Variants in ZNF410 observed in about 807,000 individuals in gnomAD.
ZNF410 encodes zinc finger protein 410, also known as another partner for ARF 1.
Under a neutral mutation model 54.8 loss-of-function variants are expected in ZNF410, and 18 were observed. That is an observed-to-expected ratio of 0.33 (90% CI 0.23 to 0.49). ZNF410 has a LOEUF of 0.49. ZNF410 is among the 20% of genes least tolerant of loss of function. The pLI, the probability that ZNF410 is intolerant of heterozygous loss-of-function variation, is 0.99. For synonymous variants in ZNF410, 191 were observed against 207.3 expected (o/e 0.92, Z 0.68); for missense variants, 405 against 569.6 (o/e 0.71, Z 2.94).
chr14:73,896,457 C>G lies in ZNF410; in HGVS notation c.311C>G (p.Ser104Ter). 6.2e-7 allele frequency: 1 copy of G among 1,614,186 alleles called. No individual in the cohort carries two copies. Among genetic ancestry groups the G allele is most frequent in the Non-Finnish European group, 8.5e-7 (1 of 1,180,028 alleles). The change falls in exon 4 of 12, where the codon TCA (serine) becomes TGA (stop). Residue 104 changes from serine to a stop codon, truncating the protein, a stop_gained. Transcript: ENST00000555044. LOFTEE classifies it high-confidence loss of function. ...VQKSPEFLST[S>*]ESSSLLQDLQ... ...AAATCCCCGGAGTTTTTGTCCACTT[C>G]AGAGTCTTCTAGCTTGTTGCAAGAT...
At chr14:73,891,199 C>T (rs771794336) in intron 1 of ZNF410, among the ~76,000 whole-genome samples, 3 of 151,948 alleles carry the variant, frequency 2.0e-5, no homozygotes, top group Non-Finnish European at 2.9e-5. Context: ...GCCTACCACA[C>T]GGTATAGCTA....
chr14:73,917,429 A>G (rs191943878), intron 8 of ZNF410, among the ~76,000 whole-genome samples: 66 of 151,960 alleles, frequency 4.3e-4, no homozygotes, highest in Middle Eastern at 3.4e-3. Flanking sequence ...TTTATTTCCT[A>G]TTTGGTTTAC....
At chr14:73,904,836 C>T (rs1227251984) in intron 6 of ZNF410, 66 bp from the exon 7 acceptor site, 3 of 1,534,544 alleles carry the variant, frequency 2.0e-6, no homozygotes, top group Non-Finnish European at 2.6e-6. Flanking sequence ...TCAATAGGGG[C>T]TTTGACTTGT....
intron 3 of ZNF410, 55 bp from the exon 4 acceptor site, chr14:73,896,261 G>A (rs2055315556): frequency 7.4e-7 from 1 of 1,345,582 alleles, no homozygotes; most frequent in Non-Finnish European, 1.1e-6. Flanking sequence ...GTATCAAAAT[G>A]GTGGGCTCCT....
At chr14:73,895,044 C>G (rs2055293562) in intron 3 of ZNF410, among the ~76,000 whole-genome samples, 1 of 152,064 alleles carries the variant, frequency 6.6e-6, no homozygotes, top group South Asian at 2.1e-4. Context: ...CAGCTGTAGT[C>G]CCAGCTGAGG....
chr14:73,899,499 A>C (rs1320387764), intron 5 of ZNF410, among the ~76,000 whole-genome samples: 2 of 152,130 alleles, frequency 1.3e-5, no homozygotes, highest in African/African-American at 2.4e-5. Context: ...TTTTGGTGGG[A>C]CCCTTAAAGT....
At chr14:73,897,970 TCAA>T in intron 4 of ZNF410, 98 bp from the exon 5 acceptor site, 1 of 643,356 alleles carries the variant, frequency 1.6e-6, no homozygotes, top group Non-Finnish European at 2.2e-6. Flanking sequence ...AGACGCCGTC[TCAA>T]AAAAAAAAAA....
chr14:73,927,726 A>G (rs2055853755), intron 11 of ZNF410: 1 of 152,184 alleles, frequency 6.6e-6, no homozygotes. Context: ...TCTGCCTCAA[A>G]TAGCTTATAG....
At chr14:73,909,610 G>GT (rs1045272273) in intron 8 of ZNF410, 180 bp downstream of exon 8, 4 of 503,806 alleles carry the variant, frequency 7.9e-6, no homozygotes, top group Admixed American at 3.7e-5. Context: ...TCAAGGTTGG[G>GT]GGGGGGACAT....
intron 8 of ZNF410, among the ~76,000 whole-genome samples, chr14:73,917,545 G>A (rs555533869): frequency 4.6e-5 from 7 of 152,070 alleles, no homozygotes; most frequent in Admixed American, 6.6e-5. Context: ...CAGTCCGGCC[G>A]GGCATGGTGA....
chr14:73,907,367 G>T (rs2140308822), intron 7 of ZNF410, among the ~76,000 whole-genome samples: 1 of 152,288 alleles, frequency 6.6e-6, no homozygotes, highest in African/African-American at 2.4e-5. Flanking sequence ...GGAGGCTGAG[G>T]TGAGCACATC....
intron 9 of ZNF410, 84 bp downstream of exon 9, chr14:73,921,189 A>G (rs1030234244): frequency 2.6e-6 from 4 of 1,561,658 alleles, no homozygotes; most frequent in Non-Finnish European, 2.6e-6. Flanking sequence ...TTATCTGGAA[A>G]TTTTCTGATT....
At chr14:73,895,502 T>C (rs2055303178) in intron 3 of ZNF410, 1 of 152,132 alleles carries the variant, frequency 6.6e-6, no homozygotes, top group Non-Finnish European at 1.5e-5. Flanking sequence ...AACCAAGATA[T>C]GGAATCAGCT....
At chr14:73,919,293 G>A (rs1021899573) in intron 8 of ZNF410, among the ~76,000 whole-genome samples, 2 of 151,974 alleles carry the variant, frequency 1.3e-5, no homozygotes, top group African/African-American at 4.8e-5. Flanking sequence ...CACTGCACCT[G>A]GCTAAAATAA....
intron 11 of ZNF410, among the ~76,000 whole-genome samples, chr14:73,925,491 G>A (rs533844849): frequency 3.3e-5 from 5 of 151,520 alleles, no homozygotes; most frequent in Admixed American, 6.6e-5. Context: ...GCAGTGGTGC[G>A]ATCTCAGCTC....
chr14:73,920,966 G>A lies in ZNF410; in HGVS notation c.1004-14G>A. The A allele has an allele frequency of 1.9e-6, 3 of 1,613,682 alleles. No individual in the cohort carries two copies. Among genetic ancestry groups the A allele is most frequent in the South Asian group, 1.1e-5 (1 of 91,030 alleles). On this transcript the variant is annotated splice_polypyrimidine_tract_variant and intron_variant, in intron 8 of 11. Coordinates refer to ENST00000555044, the MANE Select transcript of ZNF410 (RefSeq NM_021188.3). The stretch of plus-strand genomic sequence containing the variant: ...TCCTTTTGGCTTCCTTGTTTAACCT[G>A]GTCCCTGTTTCAGGAGAGAAGCCTC...
chr14:73,897,699 C>T (rs1053085742), intron 4 of ZNF410, among the ~76,000 whole-genome samples: 6 of 151,908 alleles, frequency 3.9e-5, no homozygotes, highest in Non-Finnish European at 5.9e-5. Context: ...CTGGGCCAGG[C>T]GCAGTGGCTC....
At chr14:73,895,238 A>T (rs1272455957) in intron 3 of ZNF410, 1 of 152,260 alleles carries the variant, frequency 6.6e-6, no homozygotes, top group Non-Finnish European at 1.5e-5. Flanking sequence ...TTCCCTTAGA[A>T]TGACTGTTAT....
At chr14:73,894,298 A>T (rs759194614) in intron 3 of ZNF410, 25 of 698,686 alleles carry the variant, frequency 3.6e-5, no homozygotes, top group Middle Eastern at 4.6e-4. Context: ...CATTGTATCA[A>T]ATGCTACTGA....
Sources: allele counts gnomAD v4.1 joint callset (sites outside exome capture counted in the v4.1 genomes callset), GRCh38; gene constraint gnomAD v4.1.1; transcripts MANE v1.5; gene names NCBI Gene and HGNC (gene_info 2026-07-23, HGNC 2026-07-21).